The following RFTN1 variants were observed in gnomAD, a reference collection of about 807,000 sequenced individuals.
RFTN1 encodes the protein raftlin.
A neutral mutation model predicts 46.5 loss-of-function variants in RFTN1; 26 were observed. The observed-to-expected ratio is 0.56, with a 90% CI of 0.41 to 0.78. RFTN1 has a LOEUF of 0.78. Ranked by LOEUF, RFTN1 falls within the 30% of genes least tolerant of loss-of-function variation. The pLI, the probability that RFTN1 is intolerant of heterozygous loss-of-function variation, is 0.00. For synonymous variants in RFTN1, 261 were observed against 284.2 expected, an observed-to-expected ratio of 0.92 and a Z score of 0.82; for missense variants, 693 against 718.7, an observed-to-expected ratio of 0.96 and a Z score of 0.41.
At chr3:16,503,522 G>C (rs2076748883) in intron 1 of RFTN1, among the ~76,000 whole-genome samples, 1 of 152,150 alleles carries the variant, frequency 6.6e-6, no homozygotes, top group South Asian at 2.1e-4. Context: ...CCAGGGTTGA[G>C]CATCAGTGCT....
In RFTN1 at chr3:16,374,503, G is replaced by A. The variant is rs541785329; in HGVS notation, c.826+3215C>T. On this transcript the variant is annotated intron_variant, in intron 5 of 9. Coordinates refer to ENST00000334133, the MANE Select transcript of RFTN1 (RefSeq NM_015150.2). This position sits in a 1 kb window ranked among gnomAD's most constrained non-coding sequence, Gnocchi z 5.4. ...CCCCCAGGTTTTGGCCATTCACAAT[G>A]AGCTGGCAGCCAGGGAGGGCTACTG... Among the ~76,000 whole-genome samples the A allele has an allele frequency of 6.6e-6, 1 of 152,188 alleles. No homozygotes were observed. Among genetic ancestry groups the A allele is most frequent in the Non-Finnish European group, 1.5e-5 (1 of 68,026 alleles).
rs1439478810 is a variant in RFTN1 at position 16,358,023 on chromosome 3, C to T, written c.1055G>A (p.Gly352Glu). 7 of 1,604,244 alleles carry T rather than the reference C, an allele frequency of 4.4e-6. No homozygotes were observed. The highest frequency in any genetic ancestry group is 6.0e-6 in the Non-Finnish European group (7 of 1,172,106). ...GGAAACAGCTTCAAAGATGAATACT[C>T]CATCTGTCAAGCCATGTAAGGAATC... is the stretch of plus-strand genomic sequence containing the variant. ...VNDSLHGLTD[G>E]VFIFEAVSTE... Residue 352 changes from glycine (G) to glutamate (E), a missense_variant, in exon 7 of 10, where the codon GGA becomes GAA. Transcript: ENST00000334133.
intron 2 of RFTN1, among the ~76,000 whole-genome samples, chr3:16,488,406 A>C (rs1026379842): frequency 6.6e-6 from 1 of 152,070 alleles, no homozygotes; most frequent in Admixed American, 6.6e-5. Context: ...GCTTATCCTC[A>C]CTTTTTGGAA....
chr3:16,406,405 G>A (rs188284142), intron 4 of RFTN1, among the ~76,000 whole-genome samples: 209 of 152,230 alleles, frequency 1.4e-3, no homozygotes, highest in African/African-American at 4.8e-3. Context: ...GCAAACGGTG[G>A]GGCAACCTCA....
rs769430302 is a variant in RFTN1 at position 16,323,429 on chromosome 3, C to T, written c.1279G>A (p.Val427Ile). The T allele has an allele frequency of 1.8e-5, 29 of 1,612,548 alleles. No homozygotes were observed. The highest frequency in any genetic ancestry group is 6.7e-5 in the East Asian group (3 of 44,882). The change falls in exon 9 of 10, where the codon GTC becomes ATC. Residue 427 changes from valine (V) to isoleucine (I), a missense_variant. Coordinates refer to ENST00000334133, the MANE Select transcript of RFTN1 (RefSeq NM_015150.2). The part of the protein sequence containing the change: ...SEGSVSTKQI[V>I]FLQRPCLPQK... Reference sequence around the variant, plus strand: ...GGTAGACAAGGTCTCTGAAGAAAGACAATCTGCTTGGTGGATACACTCCCC... The same window carrying T: ...GGTAGACAAGGTCTCTGAAGAAAGATAATCTGCTTGGTGGATACACTCCCC...
intron 3 of RFTN1, among the ~76,000 whole-genome samples, chr3:16,430,232 T>C (rs1011886565): frequency 2.0e-5 from 3 of 151,724 alleles, no homozygotes; most frequent in African/African-American, 7.3e-5. Context: ...CACCTCAGCC[T>C]CCCGGGTAGC....
rs1366662090 is a variant in RFTN1, at chr3:16,448,272, T to A, written c.146-14235A>T. On this transcript the variant is annotated intron_variant, in intron 2 of 9. Transcript: ENST00000334133. This position sits in a 1 kb window ranked among gnomAD's most constrained non-coding sequence, Gnocchi z 4.1. ...ATGTGGTTACTAGAAAATTTTTCAA[T>A]GGCATTCACAAGTCATATTGTATTT... 6.6e-6 allele frequency among the ~76,000 whole-genome samples: 1 copy of A among 152,224 alleles called. No homozygotes were observed. The highest frequency in any genetic ancestry group is 1.5e-5 in the Non-Finnish European group (1 of 68,040).
chr3:16,406,941 A>G (rs934095289), intron 4 of RFTN1, among the ~76,000 whole-genome samples: 3 of 152,216 alleles, frequency 2.0e-5, no homozygotes, highest in Non-Finnish European at 4.4e-5. Context: ...GGAAAAAAAG[A>G]ATGCTGGCAT....
In RFTN1 at chr3:16,335,798, A is replaced by C. The variant is rs937043028; in HGVS notation, c.1147-8922T>G. ...CTTTAAAAAAAAAAAAAAAAAAAGGAGTTTGATCACACCATCAAATATCTC... is the reference window on the plus strand; with the variant it reads ...CTTTAAAAAAAAAAAAAAAAAAAGGCGTTTGATCACACCATCAAATATCTC... On this transcript the variant is annotated intron_variant, in intron 7 of 9. Coordinates refer to ENST00000334133, the MANE Select transcript of RFTN1 (RefSeq NM_015150.2). This position sits in a 1 kb window ranked among gnomAD's most constrained non-coding sequence, Gnocchi z 4.7. Among the ~76,000 whole-genome samples, 3 of 145,206 alleles carry C rather than the reference A, an allele frequency of 2.1e-5. No homozygotes were observed. The highest frequency in any genetic ancestry group is 4.5e-5 in the Non-Finnish European group (3 of 66,538).
rs186619852 is a variant in RFTN1 at position 16,432,260 on chromosome 3, C to T, written c.332+1591G>A. The stretch of plus-strand genomic sequence containing the variant: ...GGACTGGGCGTGGTGGCTCACACCT[C>T]TAATCCCAGCACTTTGAGAGGCCTA... On this transcript the variant is annotated intron_variant, in intron 3 of 9. Coordinates refer to ENST00000334133, the MANE Select transcript of RFTN1 (RefSeq NM_015150.2). Among the ~76,000 whole-genome samples the T allele has an allele frequency of 3.9e-4, 59 of 152,122 alleles. 1 individual carries two copies. Among genetic ancestry groups the T allele is most frequent in the South Asian group, 1.2e-3 (6 of 4,806 alleles).
chr3:16,387,765 T>TA lies in RFTN1; in HGVS notation c.442-9664dup. Among the ~76,000 whole-genome samples the TA allele has an allele frequency of 6.6e-6, 1 of 152,242 alleles. No individual in the cohort carries two copies. Among genetic ancestry groups the TA allele is most frequent in the East Asian group, 1.9e-4 (1 of 5,176 alleles). Reference sequence around the variant, plus strand: ...ACCTCCACTCACTCTCTAGCTTCTGTACTGCCTCCTCACCGGCAGCTCCCC... The same window carrying TA: ...ACCTCCACTCACTCTCTAGCTTCTGTAACTGCCTCCTCACCGGCAGCTCCCC... On this transcript the variant is annotated intron_variant, in intron 4 of 9. Coordinates refer to ENST00000334133, the MANE Select transcript of RFTN1 (RefSeq NM_015150.2). The surrounding 1 kb of genome is among the most constrained non-coding windows in gnomAD (Gnocchi z 5.2).
chr3:16,470,692 G>A (rs2076179823), intron 2 of RFTN1, among the ~76,000 whole-genome samples: 1 of 152,190 alleles, frequency 6.6e-6, no homozygotes, highest in Admixed American at 6.5e-5. Flanking sequence ...AGAGTTGGCA[G>A]CTGGAGTCCA....
chr3:16,419,575 A>G (rs1347225006), intron 3 of RFTN1, among the ~76,000 whole-genome samples: 3 of 152,196 alleles, frequency 2.0e-5, no homozygotes, highest in Admixed American at 2.0e-4. Context: ...CCAGTACAAT[A>G]GGGAAAAGGT....
chr3:16,408,134 C>G (rs996265047), intron 4 of RFTN1, among the ~76,000 whole-genome samples: 1 of 152,114 alleles, frequency 6.6e-6, no homozygotes, highest in African/African-American at 2.4e-5. Flanking sequence ...CTCTGACGTT[C>G]TTTTGATTCC....
chr3:16,488,100 C>CCT, intron 2 of RFTN1, among the ~76,000 whole-genome samples: 1 of 125,754 alleles, frequency 8.0e-6, no homozygotes, highest in African/African-American at 2.9e-5. Flanking sequence ...GTGATCCTGA[C>CCT]TTTTTTTTTT....
Position 16,434,044 on chromosome 3 carries a change from T to A in RFTN1, c.146-7A>T, listed in dbSNP as rs1183714891. 5.7e-6 allele frequency: 9 copies of A among 1,577,028 alleles called. No homozygotes were observed. Among genetic ancestry groups the A allele is most frequent in the Non-Finnish European group, 7.7e-6 (9 of 1,165,846 alleles). ...GAGGACCCAGGGAGCTCCGCTGGAG[T>A]GGAGAGAGGAGAGGCTCATCAAAGA... On this transcript the variant is annotated splice_region_variant and splice_polypyrimidine_tract_variant and intron_variant, in intron 2 of 9. Transcript: ENST00000334133.
Position 16,382,816 on chromosome 3 carries a change from C to T in RFTN1, c.442-4714G>A, listed in dbSNP as rs765433153. ...CCATCCAAGCTCACTTTATTTCAAG[C>T]CCTCATCATCTGTTGCTGGACATCA... On this transcript the variant is annotated intron_variant, in intron 4 of 9. Transcript: ENST00000334133. The surrounding 1 kb of genome is among the most constrained non-coding windows in gnomAD (Gnocchi z 4.7). Among the ~76,000 whole-genome samples the T allele has an allele frequency of 2.0e-5, 3 of 152,294 alleles. No homozygotes were observed. Among genetic ancestry groups the T allele is most frequent in the Non-Finnish European group, 4.4e-5 (3 of 68,016 alleles).
chr3:16,486,046 G>C (rs2076441928), intron 2 of RFTN1, among the ~76,000 whole-genome samples: 1 of 152,164 alleles, frequency 6.6e-6, no homozygotes, highest in Non-Finnish European at 1.5e-5. Context: ...CTCAGCATCT[G>C]GCTGTGGGGA....
At chr3:16,414,234 G>C (rs2075028596) in intron 3 of RFTN1, among the ~76,000 whole-genome samples, 1 of 148,778 alleles carries the variant, frequency 6.7e-6, no homozygotes, top group Non-Finnish European at 1.5e-5. Context: ...GGAGGAGAAA[G>C]ACAATAAGCA....
Sources: allele counts gnomAD v4.1 joint callset (sites outside exome capture counted in the v4.1 genomes callset), GRCh38; gene constraint gnomAD v4.1.1; non-coding constraint Gnocchi (gnomAD v3.1); transcripts MANE v1.5; gene names NCBI Gene and HGNC (gene_info 2026-07-23, HGNC 2026-07-21).